Variants in RTF1 observed in about 807,000 individuals in gnomAD.
RTF1 encodes the protein RTF1 homolog, Paf1/RNA polymerase II complex component, also known as RNA polymerase-associated protein RTF1 homolog.
A neutral mutation model predicts 95.7 loss-of-function variants in RTF1; 10 were observed. The ratio of observed to expected loss-of-function variants is 0.10; its 90% confidence interval spans 0.06 to 0.18. The LOEUF (loss-of-function observed/expected upper bound fraction) is 0.18, where lower values mean the gene tolerates loss of function less well. Among genes scored for constraint, RTF1 ranks in the 10% least tolerant of loss-of-function variants. The pLI, the probability that RTF1 is intolerant of heterozygous loss-of-function variation, is 1.00. For missense variants in RTF1, 458 were observed against 875.6 expected (o/e 0.52, Z 6.02); for synonymous variants, 305 against 311.8 (o/e 0.98, Z 0.23).
chr15:41,433,126 T>C (rs1413704953), intron 1 of RTF1, among the ~76,000 whole-genome samples: 1 of 151,692 alleles, frequency 6.6e-6, no homozygotes, highest in Non-Finnish European at 1.5e-5. Context: ...CGTGCACCTA[T>C]AGTCCCAGCT....
chr15:41,435,377 TG>T (rs758920138), intron 1 of RTF1, among the ~76,000 whole-genome samples: 221 of 151,810 alleles, frequency 1.5e-3, no homozygotes, highest in South Asian at 6.7e-3. Context: ...TTTTTTGTTT[TG>T]TTTTTTTTTT....
At chr15:41,426,151 A>T (rs761198151) in intron 1 of RTF1, among the ~76,000 whole-genome samples, 5 of 151,870 alleles carry the variant, frequency 3.3e-5, no homozygotes, top group Non-Finnish European at 5.9e-5. Context: ...TTGGAGGTGG[A>T]GTCTCGCTCT....
chr15:41,438,868 A>T (rs902765977), intron 2 of RTF1, among the ~76,000 whole-genome samples: 6 of 152,018 alleles, frequency 3.9e-5, no homozygotes, highest in African/African-American at 1.4e-4. Flanking sequence ...CTCAAAAAAA[A>T]AAAGAAAATG....
Position 41,444,298 on chromosome 15 carries a change from A to AT in RTF1, c.309+5880dup, listed in dbSNP as rs879695308. ...AGGAAAAAAGAAAAATACTTGCTAGATTTTTTTTTTTTTGAGCCAGAGTCT... is the reference window on the plus strand; with the variant it reads ...AGGAAAAAAGAAAAATACTTGCTAGATTTTTTTTTTTTTTGAGCCAGAGTCT... On this transcript the variant is annotated intron_variant, in intron 2 of 17. Transcript: ENST00000389629. 7.6e-3 allele frequency among the ~76,000 whole-genome samples: 1,090 copies of AT among 143,088 alleles called. 17 individuals are homozygous for AT. The highest frequency in any genetic ancestry group is 0.025 in the African/African-American group (965 of 39,382). 93.9% of individuals were successfully genotyped at this position (143,088 alleles called of 152,430 possible). A position where few individuals can be genotyped will look rare whatever the true frequency, so the allele number is the denominator to read the frequency against.
intron 6 of RTF1, 67 bp from the exon 7 acceptor site, chr15:41,470,190 C>CT: frequency 6.5e-7 from 1 of 1,550,344 alleles, no homozygotes; most frequent in Non-Finnish European, 8.8e-7. Context: ...ATTTCCAGTT[C>CT]TTTTTCAAGG....
At chr15:41,474,023 C>T (rs1002212174) in intron 8 of RTF1, among the ~76,000 whole-genome samples, 3 of 151,672 alleles carry the variant, frequency 2.0e-5, no homozygotes, top group African/African-American at 7.3e-5. Context: ...GGCGACAGAG[C>T]AAGACTTTGT....
intron 4 of RTF1, among the ~76,000 whole-genome samples, chr15:41,458,850 T>C (rs1160749442): frequency 4.6e-5 from 7 of 151,652 alleles, no homozygotes; most frequent in African/African-American, 1.7e-4. Context: ...GGCGGGCGGA[T>C]CACTTGAGGT....
At chr15:41,464,930 T>TTGAG in intron 5 of RTF1, 45 bp downstream of exon 5, 3 of 1,424,364 alleles carry the variant, frequency 2.1e-6, no homozygotes, top group Admixed American at 3.2e-5. Flanking sequence ...TAAACCTGTT[T>TTGAG]TGAGTGTGTG....
At chr15:41,476,425 G>A (rs1287676214) in intron 11 of RTF1, 21 bp from the exon 12 acceptor site, 1 of 1,603,958 alleles carries the variant, frequency 6.2e-7, no homozygotes, top group Non-Finnish European at 8.5e-7. Context: ...CCTCACTGCT[G>A]GTATCTCCTC....
chr15:41,438,764 G>A (rs1482314197), intron 2 of RTF1, among the ~76,000 whole-genome samples: 1 of 151,942 alleles, frequency 6.6e-6, no homozygotes, highest in African/African-American at 2.4e-5. Context: ...AGGAGGCTGA[G>A]GCAGGAGAAT....
chr15:41,464,290 C>T (rs1294881539), intron 4 of RTF1, among the ~76,000 whole-genome samples: 3 of 149,040 alleles, frequency 2.0e-5, no homozygotes, highest in Non-Finnish European at 3.0e-5. Flanking sequence ...CTTGCTCTGT[C>T]GCTAGGCTGG....
intron 1 of RTF1, among the ~76,000 whole-genome samples, chr15:41,431,091 A>C (rs1412685505): frequency 6.6e-6 from 1 of 150,464 alleles, no homozygotes; most frequent in Non-Finnish European, 1.5e-5. Context: ...TTTTTAGTAG[A>C]GACGGGGTTT....
At chr15:41,439,321 A>G (rs1228318263) in intron 2 of RTF1, among the ~76,000 whole-genome samples, 3 of 152,112 alleles carry the variant, frequency 2.0e-5, no homozygotes, top group Non-Finnish European at 2.9e-5. Context: ...GGTGTGAGCC[A>G]CTGCGCCCGG....
chr15:41,434,420 T>C (rs1392886678), intron 1 of RTF1, among the ~76,000 whole-genome samples: 1 of 152,118 alleles, frequency 6.6e-6, no homozygotes, highest in Non-Finnish European at 1.5e-5. Flanking sequence ...CTGTGCTGAA[T>C]GAAAGAAGCC....
intron 2 of RTF1, among the ~76,000 whole-genome samples, chr15:41,452,092 TC>T (rs954456844): frequency 6.6e-6 from 1 of 152,150 alleles, no homozygotes; most frequent in Non-Finnish European, 1.5e-5. Context: ...TTCTCTTGTT[TC>T]TAAGAGATTC....
chr15:41,438,708 A>G (rs577972646), intron 2 of RTF1, among the ~76,000 whole-genome samples: 17 of 152,088 alleles, frequency 1.1e-4, no homozygotes, highest in African/African-American at 2.6e-4. Flanking sequence ...TAAAAATACA[A>G]AAATTAGCCA....
Position 41,468,599 on chromosome 15 carries a change from G to C in RTF1, c.890-1658G>C, listed in dbSNP as rs570545251. Among the ~76,000 whole-genome samples, 32 of 152,232 alleles carry C rather than the reference G, an allele frequency of 2.1e-4. 1 individual carries two copies. In the East Asian group the frequency reaches 2.9e-3, roughly 14 times the overall value. ...CCCAAAGTGCTGGGATTACAGGTGT[G>C]AGCCACCGCACCCGGCCTAAAGAGA... On this transcript the variant is annotated intron_variant, in intron 6 of 17. Coordinates refer to ENST00000389629, the MANE Select transcript of RTF1 (RefSeq NM_015138.5).
intron 1 of RTF1, among the ~76,000 whole-genome samples, chr15:41,421,706 G>A: frequency 6.7e-6 from 1 of 148,600 alleles, no homozygotes; most frequent in East Asian, 2.0e-4. Context: ...AAAACTACTG[G>A]TTCTTTTTTT....
chr15:41,449,015 G>C (rs1381838052), intron 2 of RTF1, among the ~76,000 whole-genome samples: 1 of 151,510 alleles, frequency 6.6e-6, no homozygotes, highest in African/African-American at 2.4e-5. Flanking sequence ...CTCCTGAATA[G>C]CTGGGACTAT....
Sources: gnomAD v4.1 joint callset for allele counts (sites outside exome capture counted in the v4.1 genomes callset) on GRCh38, gnomAD v4.1.1 for gene constraint, MANE v1.5 for transcripts, NCBI Gene and HGNC (gene_info 2026-07-23, HGNC 2026-07-21) for gene names.